SOS2: variants seen among roughly 807,000 people sequenced by gnomAD.
SOS2 encodes SOS Ras/Rho guanine nucleotide exchange factor 2.
SOS2 carries 65 observed loss-of-function variants against 148.2 expected under a neutral mutation model. That is an observed-to-expected ratio of 0.44 (90% confidence interval 0.36 to 0.54). The LOEUF is 0.54. Among genes scored for constraint, SOS2 ranks in the 20% least tolerant of loss-of-function variants. The pLI is 0.00. For missense variants in SOS2, 1,341 were observed against 1,590.2 expected (o/e 0.84, Z 2.67); for synonymous variants, 539 against 537.1 (o/e 1.00, Z -0.05).
intron 16 of SOS2, among the ~76,000 whole-genome samples, chr14:50,143,052 T>C (rs1426284320): frequency 6.6e-6 from 1 of 152,186 alleles, no homozygotes; most frequent in Non-Finnish European, 1.5e-5. Context: ...AACGTCCTTA[T>C]GTCAAAGCAT....
chr14:50,145,293 T>C lies in SOS2; in HGVS notation c.2544A>G (p.Ala848=). 6.2e-7 allele frequency: 1 copy of C among 1,605,806 alleles called. No individual in the cohort carries two copies. Among genetic ancestry groups the C allele is most frequent in the South Asian group, 1.1e-5 (1 of 88,892 alleles). ...VEAENFEERV[A]VLSRIIEILQ... ...GAATTTCTATAATTCTACTTAGTAC[T>C]GCCACCCGTTCTTCAAAATTTTCTG... The change falls in exon 16 of 23, where the codon GCA becomes GCG. Residue 848 remains alanine, a synonymous_variant. Coordinates refer to ENST00000216373, the MANE Select transcript of SOS2 (RefSeq NM_006939.4).
At chr14:50,178,017 A>G (rs1885582098) in intron 7 of SOS2, among the ~76,000 whole-genome samples, 1 of 152,206 alleles carries the variant, frequency 6.6e-6, no homozygotes, top group Non-Finnish European at 1.5e-5. Flanking sequence ...ACAGAAAAAC[A>G]GGGGCTGATA....
In SOS2 at chr14:50,180,551, AAAC is replaced by A; in HGVS notation, c.969+18_969+20del. ...GCTTTATTAAAAAAAAAAAAAAAAA[AAAC>A]CTTCAATTTAAGTTTACCTGAAAGT... On this transcript the variant is annotated intron_variant, in intron 7 of 22. Coordinates refer to ENST00000216373, the MANE Select transcript of SOS2 (RefSeq NM_006939.4). 9.1e-7 allele frequency: 1 copy of A among 1,097,482 alleles called. No homozygotes were observed. Among genetic ancestry groups the A allele is most frequent in the Non-Finnish European group, 1.3e-6 (1 of 758,186 alleles). The allele number at this position is 1,097,482 out of a possible 1,614,324, so 68.0% of individuals were successfully genotyped here. A position where few individuals can be genotyped will look rare whatever the true frequency, so the allele number is the denominator to read the frequency against.
intron 2 of SOS2, among the ~76,000 whole-genome samples, chr14:50,201,532 GAAAAA>G (rs11342999): frequency 1.1e-5 from 1 of 90,566 alleles, no homozygotes. Context: ...ACCCCCAACA[GAAAAA>G]AAAAAAAAAA....
At chr14:50,224,293 G>GA (rs112000335) in intron 1 of SOS2, among the ~76,000 whole-genome samples, 16,889 of 86,406 alleles carry the variant, frequency 0.2, 2,285 homozygotes, top group Admixed American at 0.23. Flanking sequence ...TCCGTCTCAG[G>GA]AAAAAAAAAA....
At chr14:50,224,304 A>AAATAC (rs1243000778) in intron 1 of SOS2, among the ~76,000 whole-genome samples, 1 of 62,672 alleles carries the variant, frequency 1.6e-5, no homozygotes, top group African/African-American at 6.1e-5. Context: ...AAAAAAAAAA[A>AAATAC]ATATATATAT....
intron 4 of SOS2, among the ~76,000 whole-genome samples, chr14:50,193,830 C>T (rs1255716891): frequency 3.9e-5 from 6 of 152,016 alleles, no homozygotes; most frequent in South Asian, 2.1e-4. Context: ...CTGCAACCTC[C>T]GCCTCCCAGG....
chr14:50,130,124 T>TA, intron 20 of SOS2, 122 bp from the exon 21 acceptor site: 1 of 646,232 alleles, frequency 1.5e-6, no homozygotes, highest in East Asian at 2.9e-5. Flanking sequence ...TTTGCCATGT[T>TA]AGTTTTTTAA....
At chr14:50,148,549 A>C (rs1296728518) in intron 14 of SOS2, among the ~76,000 whole-genome samples, 1 of 152,184 alleles carries the variant, frequency 6.6e-6, no homozygotes, top group Non-Finnish European at 1.5e-5. Context: ...ATTGTGAGAA[A>C]AAACATGATG....
chr14:50,119,026 T>C (rs1490706194), intron 22 of SOS2, among the ~76,000 whole-genome samples, 173 bp from the exon 23 acceptor site: 1 of 152,152 alleles, frequency 6.6e-6, no homozygotes, highest in Non-Finnish European at 1.5e-5. Context: ...CTGGGTTTAA[T>C]ATTTTTATAT....
intron 8 of SOS2, among the ~76,000 whole-genome samples, chr14:50,172,224 T>C (rs999924333): frequency 6.6e-6 from 1 of 152,096 alleles, no homozygotes; most frequent in African/African-American, 2.4e-5. Flanking sequence ...TTTACTGCCA[T>C]TTTGGATATC....
In SOS2 at chr14:50,153,177, A is replaced by G; in HGVS notation, c.2058-4T>C. On this transcript the variant is annotated splice_region_variant and splice_polypyrimidine_tract_variant and intron_variant, in intron 12 of 22. Coordinates refer to ENST00000216373, the MANE Select transcript of SOS2 (RefSeq NM_006939.4). ...ATGCCGAAATACATTTAAGATCCTG[A>G]TAAAATGGAAAGAAACACATTTTAG... 1 of 1,531,758 alleles carries G rather than the reference A, an allele frequency of 6.5e-7. No individual in the cohort carries two copies. The highest frequency in any genetic ancestry group is 1.1e-5 in the South Asian group (1 of 87,426). The allele number at this position is 1,531,758 out of a possible 1,614,324, so 94.9% of individuals were successfully genotyped here. A position where few individuals can be genotyped will look rare whatever the true frequency, so the allele number is the denominator to read the frequency against.
intron 13 of SOS2, among the ~76,000 whole-genome samples, chr14:50,150,719 G>T (rs1025764763): frequency 1.3e-5 from 2 of 151,754 alleles, no homozygotes; most frequent in Non-Finnish European, 1.5e-5. Context: ...CACCACGCCT[G>T]GCTAATTTTT....
At chr14:50,221,067 C>G (rs991880511) in intron 1 of SOS2, among the ~76,000 whole-genome samples, 3 of 152,154 alleles carry the variant, frequency 2.0e-5, no homozygotes, top group Non-Finnish European at 2.9e-5. Flanking sequence ...ACTACAGGAA[C>G]ATGTTTCTAA....
chr14:50,179,431 C>G (rs987622608), intron 7 of SOS2, among the ~76,000 whole-genome samples: 1 of 152,070 alleles, frequency 6.6e-6, no homozygotes, highest in Non-Finnish European at 1.5e-5. Context: ...GTACCCAAGG[C>G]TGGAGTGCAG....
At chr14:50,209,274 CGTGTGTGTGT>C (rs140994310) in intron 1 of SOS2, among the ~76,000 whole-genome samples, 1,232 of 118,372 alleles carry the variant, frequency 0.01, 19 homozygotes, top group African/African-American at 0.032. Context: ...CCTTAAATGT[CGTGTGTGTGT>C]GTGTGTGTGT....
Position 50,161,519 on chromosome 14 carries a change from G to T in SOS2, c.1159C>A (p.Arg387=), listed in dbSNP as rs1344955707. 6.2e-7 allele frequency: 1 copy of T among 1,612,896 alleles called. No individual in the cohort carries two copies. The highest frequency in any genetic ancestry group is 8.5e-7 in the Non-Finnish European group (1 of 1,179,242). ...CTAGGTGAATACTGCTTGTAAATTC[G>T]GTCCATGCTACCTTGGAGATTCATG... ...ALMNLQGSMD[R]IYKQYSPRRR... is the part of the protein sequence containing the mutation. The change falls in exon 9 of 23, where the codon CGA becomes AGA. Residue 387 remains arginine (R), a synonymous_variant. Transcript: ENST00000216373.
At chr14:50,231,844 C>A (rs374221338), upstream of SOS2, among the ~76,000 whole-genome samples, 3 of 152,224 alleles carry the variant, frequency 2.0e-5, no homozygotes, top group Non-Finnish European at 4.4e-5. Flanking sequence ...GCGCACAGCG[C>A]TGGCCGCCGT....
intron 4 of SOS2, among the ~76,000 whole-genome samples, chr14:50,192,480 C>T (rs751956605): frequency 1.3e-5 from 2 of 152,064 alleles, no homozygotes; most frequent in Admixed American, 6.6e-5. Context: ...CGCTTGAACA[C>T]GGGAGGCAGA....
Sources: gnomAD v4.1 joint callset for allele counts (sites outside exome capture counted in the v4.1 genomes callset) on GRCh38, gnomAD v4.1.1 for gene constraint, MANE v1.5 for transcripts, NCBI Gene and HGNC (gene_info 2026-07-23, HGNC 2026-07-21) for gene names.